SLC22A9: variants seen among roughly 807,000 people sequenced by gnomAD.
SLC22A9 encodes organic anion transporter 7.
SLC22A9 carries 64 observed loss-of-function variants against 50.1 expected under a neutral mutation model. The ratio of observed to expected loss-of-function variants is 1.28; its 90% confidence interval spans 1.04 to 1.57. SLC22A9 has a LOEUF of 1.57. SLC22A9 is among the 40% of genes most tolerant of loss of function. SLC22A9 has a pLI of 0.00. For synonymous variants in SLC22A9, 261 were observed against 242.5 expected, an observed-to-expected ratio of 1.08 and a Z score of -0.71; for missense variants, 757 against 676.1, an observed-to-expected ratio of 1.12 and a Z score of -1.33.
chr11:63,373,804 C>A lies in SLC22A9; in HGVS notation c.661+6C>A, dbSNP rs752675159. ...AACAAATACTATTATGTTAAGTAAG[C>A]CAACACTTTGGATCCACATTTTCCA... is the stretch of plus-strand genomic sequence containing the variant. On this transcript the variant is annotated splice_donor_region_variant and intron_variant, in intron 3 of 9. Transcript: ENST00000279178. 2 of 1,605,968 alleles carry A rather than the reference C, an allele frequency of 1.2e-6. No homozygotes were observed. Among genetic ancestry groups the A allele is most frequent in the African/African-American group, 2.7e-5 (2 of 74,598 alleles).
chr11:63,400,306 T>C (rs1286939479), intron 6 of SLC22A9, among the ~76,000 whole-genome samples: 2 of 151,794 alleles, frequency 1.3e-5, no homozygotes, highest in African/African-American at 4.8e-5. Context: ...ATAAATCAAA[T>C]TGAAGATAAA....
chr11:63,406,861 T>C, intron 7 of SLC22A9, 150 bp downstream of exon 7: 2 of 887,068 alleles, frequency 2.3e-6, no homozygotes, highest in Non-Finnish European at 3.4e-6. Flanking sequence ...GGACAGATTC[T>C]GCCACAAGTT....
At position 63,408,899 on chromosome 11, in the gene SLC22A9, G is replaced by A; in HGVS notation, c.1601+20G>A. 1 of 1,612,250 alleles carries A rather than the reference G, an allele frequency of 6.2e-7. No homozygotes were observed. The highest frequency in any genetic ancestry group is 1.1e-5 in the South Asian group (1 of 91,014). On this transcript the variant is annotated intron_variant, in intron 9 of 9. Coordinates refer to ENST00000279178, the MANE Select transcript of SLC22A9 (RefSeq NM_080866.3). The stretch of plus-strand genomic sequence containing the variant: ...AAATGAGTGAGTAAATAGCCCGGTT[G>A]CCCCTCAGAGGATCTGTGTGCTATA...
In SLC22A9 at chr11:63,410,014, G is replaced by A. The variant is rs987965356; in HGVS notation, c.*152G>A. On this transcript the variant is annotated 3_prime_UTR_variant, in exon 10 of 10. Coordinates refer to ENST00000279178, the MANE Select transcript of SLC22A9 (RefSeq NM_080866.3). ...CCAGCACCTTGGGAGGCTGAGGCGG[G>A]CAGATCATGAGGTCAGAAGATAAAG... 4 of 714,968 alleles carry A rather than the reference G, an allele frequency of 5.6e-6. No homozygotes were observed. In the African/African-American group the frequency reaches 7.2e-5, roughly 13 times the overall value. 44.3% of individuals were successfully genotyped at this position (714,968 alleles called of 1,614,324 possible).
At chr11:63,372,046 C>T (rs1176887161) in intron 2 of SLC22A9, among the ~76,000 whole-genome samples, 1 of 152,038 alleles carries the variant, frequency 6.6e-6, no homozygotes, top group Non-Finnish European at 1.5e-5. Flanking sequence ...GGTTAATTTC[C>T]AATAGTTAGT....
chr11:63,387,810 C>G (rs146607100), intron 6 of SLC22A9, among the ~76,000 whole-genome samples: 1,952 of 151,978 alleles, frequency 0.013, 50 homozygotes, highest in African/African-American at 0.044. Context: ...CATTTTTAAT[C>G]CTCTTCAATT....
chr11:63,406,824 A>C, intron 7 of SLC22A9, 113 bp downstream of exon 7: 1 of 1,163,934 alleles, frequency 8.6e-7, no homozygotes, highest in South Asian at 1.6e-5. Flanking sequence ...GGTTCTTAGG[A>C]TTTCCTGACA....
rs1056070523 is a variant in SLC22A9, at chr11:63,369,876, C to T, written c.-181C>T. The T allele has an allele frequency of 1.9e-5, 11 of 568,784 alleles. No individual in the cohort carries two copies. Among genetic ancestry groups the T allele is most frequent in the South Asian group, 3.2e-5 (1 of 31,332 alleles). 35.2% of individuals were successfully genotyped at this position (568,784 alleles called of 1,614,324 possible). A position where few individuals can be genotyped will look rare whatever the true frequency, so the allele number is the denominator to read the frequency against. ...AACGGCTACCTATCTGACCCCAAAACGACTTGAGGAAACTGTTTCCACGGT... is the reference window on the plus strand; with the variant it reads ...AACGGCTACCTATCTGACCCCAAAATGACTTGAGGAAACTGTTTCCACGGT... On this transcript the variant is annotated 5_prime_UTR_variant, in exon 1 of 10. In the 5' UTR this introduces an upstream ATG that the reference lacks. Transcript: ENST00000279178.
rs975712287 is a variant in SLC22A9 at position 63,372,207 on chromosome 11, T to C, written c.506+969T>C. On this transcript the variant is annotated intron_variant, in intron 2 of 9. Coordinates refer to ENST00000279178, the MANE Select transcript of SLC22A9 (RefSeq NM_080866.3). ...CGAAGGGACAAGATAACCTAAGGATTTTGGTATTTCTCACAAACCTAAGAG... is the reference window on the plus strand; with the variant it reads ...CGAAGGGACAAGATAACCTAAGGATCTTGGTATTTCTCACAAACCTAAGAG... Among the ~76,000 whole-genome samples, 13 of 152,196 alleles carry C rather than the reference T, an allele frequency of 8.5e-5. No homozygotes were observed. In the South Asian group the frequency reaches 2.7e-3, roughly 32 times the overall value.
intron 6 of SLC22A9, among the ~76,000 whole-genome samples, chr11:63,405,882 C>T (rs948346839): frequency 6.6e-6 from 1 of 152,136 alleles, no homozygotes; most frequent in Non-Finnish European, 1.5e-5. Context: ...GTTTAATCCT[C>T]CATAAAACAC....
At chr11:63,383,844 A>C (rs953311512) in intron 6 of SLC22A9, among the ~76,000 whole-genome samples, 4 of 152,092 alleles carry the variant, frequency 2.6e-5, no homozygotes, top group Non-Finnish European at 5.9e-5. Context: ...AGGTCAAGAG[A>C]TAGAGATCAT....
chr11:63,371,487 C>T (rs2014359517), intron 2 of SLC22A9, among the ~76,000 whole-genome samples: 1 of 152,034 alleles, frequency 6.6e-6, no homozygotes, highest in South Asian at 2.1e-4. Flanking sequence ...AGAGAAGGTA[C>T]CACAACATGT....
chr11:63,384,471 C>T lies in SLC22A9; in HGVS notation c.1073+2194C>T, dbSNP rs144353523. ...TCCATGTCCCTGCAGAGGACATGAT[C>T]GCATTTTTTTTATGGCTGCATAGTA... On this transcript the variant is annotated intron_variant, in intron 6 of 9. Coordinates refer to ENST00000279178, the MANE Select transcript of SLC22A9 (RefSeq NM_080866.3). 4.9e-3 allele frequency among the ~76,000 whole-genome samples: 739 copies of T among 152,192 alleles called. 10 individuals carry two copies. The highest frequency in any genetic ancestry group is 0.017 in the African/African-American group (699 of 41,542).
intron 6 of SLC22A9, among the ~76,000 whole-genome samples, chr11:63,396,194 C>A (rs192189814): frequency 6.6e-6 from 1 of 152,140 alleles, no homozygotes; most frequent in South Asian, 2.1e-4. Context: ...AGGCCAAATT[C>A]GCACTCTCTC....
intron 6 of SLC22A9, among the ~76,000 whole-genome samples, chr11:63,400,205 AC>A (rs1409828205): frequency 2.0e-5 from 3 of 152,116 alleles, no homozygotes; most frequent in East Asian, 3.8e-4. Flanking sequence ...CGAAATTGAT[AC>A]AAAAAATACA....
intron 2 of SLC22A9, among the ~76,000 whole-genome samples, chr11:63,371,875 G>A (rs999452053): frequency 6.6e-6 from 1 of 152,126 alleles, no homozygotes; most frequent in Non-Finnish European, 1.5e-5. Flanking sequence ...ACATGGCAGG[G>A]AACAATTACC....
At position 63,406,616 on chromosome 11, in the gene SLC22A9, C is replaced by A; in HGVS notation, c.1193C>A (p.Pro398His). The change falls in exon 7 of 10, where the codon CCT becomes CAT. Residue 398 changes from proline to histidine, a missense_variant. Pro to His is a moderately conservative substitution (Grantham distance 77). Coordinates refer to ENST00000279178, the MANE Select transcript of SLC22A9 (RefSeq NM_080866.3). ...ATCCTCCTGGCCAACTGTGTTGCAC[C>A]TTGGGCACTGAAATACATGAACCGT... ...AVILLANCVA[P>H]WALKYMNRRA... 6.2e-7 allele frequency: 1 copy of A among 1,613,826 alleles called. No homozygotes were observed. The highest frequency in any genetic ancestry group is 8.5e-7 in the Non-Finnish European group (1 of 1,179,856).
At chr11:63,398,661 AC>A (rs2014902203) in intron 6 of SLC22A9, among the ~76,000 whole-genome samples, 1 of 152,182 alleles carries the variant, frequency 6.6e-6, no homozygotes, top group Non-Finnish European at 1.5e-5. Context: ...CCCCAAGCAC[AC>A]AAAGATGCCC....
intron 5 of SLC22A9, among the ~76,000 whole-genome samples, chr11:63,379,879 G>A (rs906316680): frequency 3.3e-5 from 5 of 152,084 alleles, no homozygotes; most frequent in Admixed American, 6.6e-5. Context: ...TTACAGGCTT[G>A]AGACATCATA....
Sources: gnomAD v4.1 joint callset for allele counts (sites outside exome capture counted in the v4.1 genomes callset) on GRCh38, gnomAD v4.1.1 for gene constraint, MANE v1.5 for transcripts, NCBI Gene and HGNC (gene_info 2026-07-23, HGNC 2026-07-21) for gene names.